Variants in CDH20 observed in about 807,000 individuals in gnomAD.
CDH20 encodes the protein cadherin 20.
Under a neutral mutation model 74.2 loss-of-function variants are expected in CDH20, and 29 were observed. The ratio of observed to expected loss-of-function variants is 0.39; its 90% CI spans 0.29 to 0.53. CDH20 has a LOEUF of 0.53. Among genes scored for constraint, CDH20 ranks in the 20% least tolerant of loss-of-function variants. CDH20 has a pLI of 0.69. For missense variants in CDH20, 988 were observed against 1,048.3 expected, an observed-to-expected ratio of 0.94 and a Z score of 0.79; for synonymous variants, 469 against 405.4, an observed-to-expected ratio of 1.16 and a Z score of -1.88.
chr18:61,465,296 T>C (rs907632988), intron 1 of CDH20, among the ~76,000 whole-genome samples: 1 of 152,196 alleles, frequency 6.6e-6, no homozygotes, highest in Non-Finnish European at 1.5e-5. Context: ...ACCAAATCTA[T>C]TAACTCTAGT....
At chr18:61,366,438 T>C (rs1910863383) in intron 1 of CDH20, among the ~76,000 whole-genome samples, 1 of 152,180 alleles carries the variant, frequency 6.6e-6, no homozygotes, top group East Asian at 1.9e-4. Flanking sequence ...TTTAAATTAA[T>C]GTTTGTAATA....
chr18:61,515,727 A>G (rs1911977045), intron 6 of CDH20, among the ~76,000 whole-genome samples: 2 of 142,434 alleles, frequency 1.4e-5, no homozygotes, highest in Admixed American at 7.4e-5. Context: ...GAATTGAACA[A>G]TGAGATCACA....
chr18:61,490,389 C>T lies in CDH20; in HGVS notation c.-152-13C>T. 4.4e-6 allele frequency: 3 copies of T among 675,438 alleles called. No homozygotes were observed. The highest frequency in any genetic ancestry group is 1.9e-5 in the South Asian group (1 of 51,608). 41.8% of individuals were successfully genotyped at this position (675,438 alleles called of 1,614,324 possible). On this transcript the variant is annotated splice_polypyrimidine_tract_variant and intron_variant, in intron 1 of 11. Transcript: ENST00000262717. ...TCTGACATCATCACACTGTGTTTTC[C>T]TTAACTTGACAGGAAGTCAACTTCA... is the stretch of plus-strand genomic sequence containing the variant.
At chr18:61,404,145 A>G (rs1003670191) in intron 1 of CDH20, among the ~76,000 whole-genome samples, 1 of 152,218 alleles carries the variant, frequency 6.6e-6, no homozygotes, top group East Asian at 1.9e-4. Flanking sequence ...TGATGGATTG[A>G]TAGCAAACCA....
intron 7 of CDH20, among the ~76,000 whole-genome samples, chr18:61,534,804 C>T (rs1213993965): frequency 1.3e-5 from 2 of 152,106 alleles, no homozygotes; most frequent in African/African-American, 2.4e-5. Context: ...TTCCTGTGAT[C>T]TATTGCACAG....
intron 1 of CDH20, among the ~76,000 whole-genome samples, chr18:61,387,096 C>T (rs531730906): frequency 6.6e-6 from 1 of 152,288 alleles, no homozygotes; most frequent in East Asian, 1.9e-4. Flanking sequence ...CAGCCAGGAA[C>T]TCTGGTATCA....
At chr18:61,471,140 GA>G (rs1412734794) in intron 1 of CDH20, among the ~76,000 whole-genome samples, 2 of 152,098 alleles carry the variant, frequency 1.3e-5, no homozygotes, top group Admixed American at 6.5e-5. Context: ...TTATAACTCT[GA>G]AAAAAATGTG....
At chr18:61,363,886 C>T (rs1599037533) in intron 1 of CDH20, among the ~76,000 whole-genome samples, 1 of 152,040 alleles carries the variant, frequency 6.6e-6, no homozygotes. Context: ...ATAGATGATC[C>T]TCCCCCGGGT....
intron 11 of CDH20, among the ~76,000 whole-genome samples, chr18:61,550,434 ATATACT>A (rs1340158360): frequency 6.6e-6 from 1 of 152,252 alleles, no homozygotes; most frequent in Non-Finnish European, 1.5e-5. Context: ...ATCAAAGCAC[ATATACT>A]TATAAAGTAT....
intron 9 of CDH20, 136 bp from the exon 10 acceptor site, chr18:61,544,891 C>A (rs1008157087): frequency 2.3e-5 from 15 of 664,090 alleles, no homozygotes; most frequent in African/African-American, 1.8e-4. Flanking sequence ...CATTTCCCTG[C>A]CCCTCTCCCA....
chr18:61,552,446 C>A lies in CDH20; in HGVS notation c.1901-1744C>A, dbSNP rs181138063. On this transcript the variant is annotated intron_variant, in intron 11 of 11. Coordinates refer to ENST00000262717, the MANE Select transcript of CDH20 (RefSeq NM_031891.4). ...CTGTCTTTATTTTTCAAAAGACGGA[C>A]TAGTTCTATATAAACGGCCTAATTC... 3.0e-3 allele frequency among the ~76,000 whole-genome samples: 450 copies of A among 151,936 alleles called. 2 individuals carry two copies. The highest frequency in any genetic ancestry group is 4.8e-3 in the Non-Finnish European group (328 of 67,976).
Position 61,490,782 on chromosome 18 carries a change from C to T in CDH20, c.229C>T (p.Pro77Ser). The T allele has an allele frequency of 6.2e-7, 1 of 1,613,986 alleles. No homozygotes were observed. The highest frequency in any genetic ancestry group is 8.5e-7 in the Non-Finnish European group (1 of 1,179,944). Reference protein sequence around the residue: ...FVLEEYTGTDPLYVGKLHSDM... With the variant: ...FVLEEYTGTDSLYVGKLHSDM... ...TCTGGAAGAGTACACTGGGACCGAC[C>T]CTTTGTATGTCGGCAAGGTAAGAAA... Residue 77 changes from proline (P) to serine (S), a missense_variant, in exon 2 of 12, where the codon CCT (proline) becomes TCT (serine). By Grantham distance (74) the Pro-to-Ser change is moderately conservative. Transcript: ENST00000262717.
At chr18:61,526,211 C>A (rs1417079696) in intron 6 of CDH20, among the ~76,000 whole-genome samples, 1 of 148,338 alleles carries the variant, frequency 6.7e-6, no homozygotes, top group Non-Finnish European at 1.5e-5. Context: ...TCACCGCAAC[C>A]TCCACCTCCC....
At chr18:61,500,978 A>G (rs1266113921) in intron 4 of CDH20, among the ~76,000 whole-genome samples, 5 of 152,232 alleles carry the variant, frequency 3.3e-5, no homozygotes, top group Non-Finnish European at 1.5e-5. Context: ...ACTAAAGTTC[A>G]TCTAGTGTAG....
intron 1 of CDH20, among the ~76,000 whole-genome samples, chr18:61,466,602 T>G (rs750287357): frequency 6.6e-6 from 1 of 152,138 alleles, no homozygotes; most frequent in Non-Finnish European, 1.5e-5. Context: ...AATCTCTCAA[T>G]GGTTTTTCCT....
chr18:61,505,016 G>T (rs1568167978), intron 5 of CDH20, among the ~76,000 whole-genome samples: 1 of 152,140 alleles, frequency 6.6e-6, no homozygotes, highest in African/African-American at 2.4e-5. Context: ...GATGGACTTT[G>T]TATTGCTTTG....
intron 1 of CDH20, among the ~76,000 whole-genome samples, chr18:61,472,004 C>T (rs1349471303): frequency 6.6e-6 from 1 of 152,082 alleles, no homozygotes; most frequent in Admixed American, 6.5e-5. Context: ...GACAACATGT[C>T]CAAAGAACTT....
intron 9 of CDH20, among the ~76,000 whole-genome samples, chr18:61,539,531 G>C (rs150910610): frequency 7.7e-4 from 117 of 152,264 alleles, no homozygotes; most frequent in African/African-American, 2.7e-3. Flanking sequence ...GCACACAATG[G>C]CCGTATAAGG....
chr18:61,363,875 G>A (rs1207032404), intron 1 of CDH20, among the ~76,000 whole-genome samples: 1 of 152,108 alleles, frequency 6.6e-6, no homozygotes, highest in East Asian at 1.9e-4. Context: ...AATGAAATGA[G>A]ATAGATGATC....
Sources: gnomAD v4.1 joint callset for allele counts (sites outside exome capture counted in the v4.1 genomes callset) on GRCh38, gnomAD v4.1.1 for gene constraint, MANE v1.5 for transcripts, NCBI Gene and HGNC (gene_info 2026-07-23, HGNC 2026-07-21) for gene names.